SEC22A: variants seen among roughly 807,000 people sequenced by gnomAD.
The protein encoded by SEC22A is SEC22 homolog A, vesicle trafficking protein.
SEC22A carries 22 observed loss-of-function variants against 35.3 expected under a neutral mutation model. The ratio of observed to expected loss-of-function variants is 0.62; its 90% CI spans 0.45 to 0.89. The LOEUF (loss-of-function observed/expected upper bound fraction) is 0.89. SEC22A is among the 40% of genes least tolerant of loss of function. The probability of loss-of-function intolerance (pLI) is 0.00; values close to 1 mark genes in which losing one functional copy is unlikely to be tolerated. For synonymous variants in SEC22A, 119 were observed against 129.5 expected (o/e 0.92, Z 0.55); for missense variants, 354 against 362.5 (o/e 0.98, Z 0.19).
chr3:123,237,126 A>G (rs1454923087), intron 4 of SEC22A, among the ~76,000 whole-genome samples: 2 of 152,248 alleles, frequency 1.3e-5, no homozygotes, highest in Middle Eastern at 3.2e-3. Flanking sequence ...GTGTTGCAAT[A>G]AAACTTTATT....
At position 123,225,195 on chromosome 3, in the gene SEC22A, C is replaced by T. The variant is rs1464371672; in HGVS notation, c.439C>T (p.Leu147=). The T allele has an allele frequency of 6.2e-7, 1 of 1,613,262 alleles. No homozygotes were observed. Among genetic ancestry groups the T allele is most frequent in the East Asian group, 2.2e-5 (1 of 44,862 alleles). ...NLSDMQTEIK[L]RPPYQISMCE... ...TTCTGACATGCAGACGGAAATCAAG[C>T]TGAGGCCTCCTTATCAAATTTCCAT... Residue 147 remains leucine, a synonymous_variant, in exon 4 of 7, where the codon CTG becomes TTG. Transcript: ENST00000492595.
intron 2 of SEC22A, among the ~76,000 whole-genome samples, 165 bp from the exon 3 acceptor site, chr3:123,223,394 G>A (rs1384839962): frequency 6.6e-6 from 1 of 152,098 alleles, no homozygotes. Context: ...TTAAAATAGT[G>A]CTGTATTTTG....
rs374255748 is a variant in SEC22A at position 123,272,259 on chromosome 3, G to C, written c.*537G>C. 2 of 152,602 alleles carry C rather than the reference G, an allele frequency of 1.3e-5. No homozygotes were observed. The highest frequency in any genetic ancestry group is 4.8e-5 in the African/African-American group (2 of 41,406). The allele number at this position is 152,602 out of a possible 1,614,324, so 9.5% of individuals were successfully genotyped here. On this transcript the variant is annotated 3_prime_UTR_variant, in exon 7 of 7. Transcript: ENST00000492595. The stretch of plus-strand genomic sequence containing the variant: ...TGGTTCTTTTTACTTTTATATTTTT[G>C]CTTGAATCTTAACTCTGGAAATCAC...
chr3:123,252,867 T>A (rs1019155599), intron 5 of SEC22A, among the ~76,000 whole-genome samples: 11 of 152,230 alleles, frequency 7.2e-5, no homozygotes, highest in Non-Finnish European at 5.9e-5. Context: ...ATAGTTTTTT[T>A]AAGTTCATAA....
intron 2 of SEC22A, among the ~76,000 whole-genome samples, chr3:123,212,850 G>A (rs1936960199): frequency 6.6e-6 from 1 of 152,076 alleles, no homozygotes; most frequent in African/African-American, 2.4e-5. Context: ...GTTAGAAAAA[G>A]GTTGCAGATA....
intron 4 of SEC22A, among the ~76,000 whole-genome samples, chr3:123,235,792 C>T (rs1391165421): frequency 1.3e-5 from 2 of 152,136 alleles, no homozygotes; most frequent in Admixed American, 1.3e-4. Context: ...AGTGTAGACA[C>T]CCAACTGTCC....
At chr3:123,257,337 C>T (rs1271309790) in intron 5 of SEC22A, among the ~76,000 whole-genome samples, 1 of 152,032 alleles carries the variant, frequency 6.6e-6, no homozygotes, top group Non-Finnish European at 1.5e-5. Context: ...AATAAGTGTC[C>T]CAGATTATAA....
intron 4 of SEC22A, among the ~76,000 whole-genome samples, chr3:123,228,582 A>G (rs1435559388): frequency 6.6e-6 from 1 of 150,798 alleles, no homozygotes; most frequent in Non-Finnish European, 1.5e-5. Flanking sequence ...ATCTCAAAAA[A>G]AAAAAAAAAA....
At chr3:123,230,053 T>C (rs1364191282) in intron 4 of SEC22A, among the ~76,000 whole-genome samples, 2 of 152,126 alleles carry the variant, frequency 1.3e-5, no homozygotes, top group East Asian at 3.9e-4. Flanking sequence ...GAGGCCAAAG[T>C]GGGAGGATCC....
intron 4 of SEC22A, among the ~76,000 whole-genome samples, chr3:123,226,634 T>G (rs2108051340): frequency 6.6e-6 from 1 of 152,298 alleles, no homozygotes; most frequent in South Asian, 2.1e-4. Context: ...CATTCCCTTC[T>G]CAGTTTGCAA....
chr3:123,218,940 G>A (rs1308726751), intron 2 of SEC22A, among the ~76,000 whole-genome samples: 1 of 152,170 alleles, frequency 6.6e-6, no homozygotes, highest in African/African-American at 2.4e-5. Flanking sequence ...ATTAGTGAGA[G>A]AGACATTGCA....
chr3:123,223,833 ATAAT>A, intron 3 of SEC22A, 111 bp downstream of exon 3: 1 of 733,638 alleles, frequency 1.4e-6, no homozygotes, highest in Non-Finnish European at 2.2e-6. Context: ...TTTTGATATA[ATAAT>A]TTGGTAAATG....
At chr3:123,214,207 TAA>T (rs1425508918) in intron 2 of SEC22A, among the ~76,000 whole-genome samples, 2 of 151,948 alleles carry the variant, frequency 1.3e-5, no homozygotes, top group East Asian at 1.9e-4. Context: ...AATAAATAAA[TAA>T]ATAAAATTTA....
intron 4 of SEC22A, among the ~76,000 whole-genome samples, chr3:123,240,814 A>G (rs1345123630): frequency 6.6e-6 from 1 of 151,510 alleles, no homozygotes; most frequent in African/African-American, 2.4e-5. Flanking sequence ...TTGTGCTTTA[A>G]AAAAAAAACT....
At chr3:123,268,267 A>G (rs1391283744) in intron 6 of SEC22A, among the ~76,000 whole-genome samples, 5 of 152,204 alleles carry the variant, frequency 3.3e-5, no homozygotes, top group Non-Finnish European at 7.3e-5. Flanking sequence ...CTTTTACCAG[A>G]GAGAGCAAGA....
intron 6 of SEC22A, among the ~76,000 whole-genome samples, 191 bp from the exon 7 acceptor site, chr3:123,271,331 A>G (rs893805508): frequency 2.0e-5 from 3 of 152,182 alleles, no homozygotes; most frequent in Non-Finnish European, 4.4e-5. Context: ...AGGAAAATCT[A>G]TTTCCCTTTC....
chr3:123,250,294 C>T (rs1327935866), intron 5 of SEC22A, among the ~76,000 whole-genome samples: 2 of 152,236 alleles, frequency 1.3e-5, no homozygotes. Context: ...CCTATAGTCC[C>T]AGCTATTCGG....
intron 5 of SEC22A, among the ~76,000 whole-genome samples, chr3:123,252,513 A>G (rs1344065591): frequency 6.6e-6 from 1 of 152,218 alleles, no homozygotes; most frequent in Non-Finnish European, 1.5e-5. Flanking sequence ...TTTGGGAATT[A>G]TAATTTTAGA....
intron 4 of SEC22A, among the ~76,000 whole-genome samples, chr3:123,239,143 C>T (rs1937480248): frequency 1.3e-5 from 2 of 151,996 alleles, no homozygotes; most frequent in African/African-American, 4.8e-5. Flanking sequence ...CATTATTACT[C>T]AGGTATGGTG....
Sources: allele counts gnomAD v4.1 joint callset (sites outside exome capture counted in the v4.1 genomes callset), GRCh38; gene constraint gnomAD v4.1.1; transcripts MANE v1.5; gene names NCBI Gene and HGNC (gene_info 2026-07-23, HGNC 2026-07-21).